The following ARHGAP44 variants were observed in gnomAD, a reference collection of about 807,000 sequenced individuals.
The protein encoded by ARHGAP44 is Rho GTPase activating protein 44.
In ARHGAP44, 43 loss-of-function variants were observed where a neutral mutation model predicts 106.8. That is an observed-to-expected ratio of 0.40 (90% confidence interval 0.32 to 0.52). The LOEUF is 0.52. Ranked by LOEUF, ARHGAP44 falls within the 20% of genes least tolerant of loss-of-function variation. ARHGAP44 has a pLI of 0.48. For synonymous variants in ARHGAP44, 439 were observed against 410.3 expected, an observed-to-expected ratio of 1.07 and a Z score of -0.85; for missense variants, 866 against 1,050.5, an observed-to-expected ratio of 0.82 and a Z score of 2.43.
At chr17:12,835,084 T>C (rs1198818132) in intron 1 of ARHGAP44, among the ~76,000 whole-genome samples, 1 of 152,120 alleles carries the variant, frequency 6.6e-6, no homozygotes, top group East Asian at 1.9e-4. Context: ...GAAATAGAGA[T>C]TGTGTGTGAT....
At chr17:12,891,394 G>A (rs150871468) in intron 1 of ARHGAP44, among the ~76,000 whole-genome samples, 220 of 152,314 alleles carry the variant, frequency 1.4e-3, no homozygotes, top group East Asian at 8.3e-3. Flanking sequence ...AGGAGCTAGC[G>A]TCTGGCAAGG....
intron 1 of ARHGAP44, among the ~76,000 whole-genome samples, chr17:12,863,618 C>A (rs1267347023): frequency 6.6e-6 from 1 of 152,092 alleles, no homozygotes; most frequent in Non-Finnish European, 1.5e-5. Context: ...AATTCTTGAG[C>A]AATATGAAAA....
At chr17:12,845,209 C>CT (rs959438008) in intron 1 of ARHGAP44, among the ~76,000 whole-genome samples, 3 of 131,016 alleles carry the variant, frequency 2.3e-5, no homozygotes, top group African/African-American at 1.2e-4. Flanking sequence ...TGTTCATTTA[C>CT]TTTAAAAAAA....
intron 6 of ARHGAP44, among the ~76,000 whole-genome samples, chr17:12,923,848 G>C (rs2038158668): frequency 6.6e-6 from 1 of 152,138 alleles, no homozygotes. Context: ...TGCATCCCAA[G>C]ATATAGCAGT....
intron 7 of ARHGAP44, among the ~76,000 whole-genome samples, chr17:12,932,412 A>G (rs780265757): frequency 6.6e-6 from 1 of 152,178 alleles, no homozygotes; most frequent in African/African-American, 2.4e-5. Context: ...AAAATTATCT[A>G]TGTATCAGCA....
intron 1 of ARHGAP44, among the ~76,000 whole-genome samples, chr17:12,805,683 T>C (rs1469988713): frequency 1.3e-5 from 2 of 152,202 alleles, no homozygotes; most frequent in African/African-American, 2.4e-5. Context: ...TAAACAGATA[T>C]TTACCGACCA....
intron 7 of ARHGAP44, among the ~76,000 whole-genome samples, chr17:12,938,794 T>C (rs116324814): frequency 2.2e-3 from 342 of 152,330 alleles, no homozygotes; most frequent in African/African-American, 8.0e-3. Flanking sequence ...ATTTATAGTT[T>C]CCTTACTTGA....
At chr17:12,878,948 A>G (rs537115750) in intron 1 of ARHGAP44, among the ~76,000 whole-genome samples, 6 of 152,320 alleles carry the variant, frequency 3.9e-5, no homozygotes, top group African/African-American at 9.6e-5. Flanking sequence ...TTTATCAGCT[A>G]TGTAGCTGCA....
chr17:12,984,796 A>G lies in ARHGAP44; in HGVS notation c.2205A>G (p.Arg735=), dbSNP rs1273241470. 4 of 1,613,746 alleles carry G rather than the reference A, an allele frequency of 2.5e-6. No homozygotes were observed. The highest frequency in any genetic ancestry group is 3.4e-6 in the Non-Finnish European group (4 of 1,179,840). The change falls in exon 20 of 21, where the codon AGA becomes AGG. Residue 735 remains arginine (R), a synonymous_variant. Coordinates refer to ENST00000379672, the MANE Select transcript of ARHGAP44 (RefSeq NM_014859.6). ...KSRPTPKPRQ[R]PTLPPPQPPT... ...GGCCCACTCCTAAGCCGCGACAGAGACCTACTCTGCCGCCTCCTCAGCCTC... is the reference window on the plus strand; with the variant it reads ...GGCCCACTCCTAAGCCGCGACAGAGGCCTACTCTGCCGCCTCCTCAGCCTC...
chr17:12,824,011 C>A (rs1174888420), intron 1 of ARHGAP44, among the ~76,000 whole-genome samples: 1 of 152,030 alleles, frequency 6.6e-6, no homozygotes, highest in African/African-American at 2.4e-5. Flanking sequence ...TCTTGAACTG[C>A]CTTTGTCTTC....
At chr17:12,965,276 T>C (rs12450034) in intron 16 of ARHGAP44, among the ~76,000 whole-genome samples, 23,375 of 152,164 alleles carry the variant, frequency 0.15, 2,179 homozygotes, top group East Asian at 0.48. Context: ...GCACCTACTG[T>C]CATTACACTT....
intron 1 of ARHGAP44, among the ~76,000 whole-genome samples, chr17:12,798,290 C>T (rs1183336462): frequency 1.3e-5 from 2 of 152,048 alleles, no homozygotes; most frequent in Non-Finnish European, 2.9e-5. Flanking sequence ...AATTAAAATG[C>T]ATGATGATTG....
At chr17:12,974,011 G>C in intron 17 of ARHGAP44, 78 bp from the exon 18 acceptor site, 2 of 1,436,722 alleles carry the variant, frequency 1.4e-6, no homozygotes, top group Non-Finnish European at 1.9e-6. Context: ...ACGCGGACCT[G>C]CTTGAATGTG....
At chr17:12,881,623 A>G (rs1475521820) in intron 1 of ARHGAP44, among the ~76,000 whole-genome samples, 1 of 152,114 alleles carries the variant, frequency 6.6e-6, no homozygotes, top group African/African-American at 2.4e-5. Context: ...AACTTATTCT[A>G]CTTAAGGATA....
intron 1 of ARHGAP44, among the ~76,000 whole-genome samples, chr17:12,802,849 C>G (rs2034137627): frequency 7.2e-6 from 1 of 138,344 alleles, no homozygotes; most frequent in South Asian, 2.4e-4. Context: ...ACCTCCGCCT[C>G]CCGGGTTCAA....
intron 17 of ARHGAP44, 40 bp downstream of exon 17, chr17:12,973,359 T>TTG (rs1167650624): frequency 6.3e-7 from 1 of 1,593,586 alleles, no homozygotes; most frequent in Non-Finnish European, 8.6e-7. Flanking sequence ...ATGCTCAGTC[T>TTG]CTTCAACTGA....
intron 19 of ARHGAP44, 119 bp downstream of exon 19, chr17:12,980,352 T>G: frequency 9.2e-7 from 1 of 1,090,114 alleles, no homozygotes; most frequent in Non-Finnish European, 1.3e-6. Context: ...AGTGACTAAT[T>G]CCCATCTGGA....
intron 3 of ARHGAP44, among the ~76,000 whole-genome samples, chr17:12,903,123 AGAG>A (rs2037434306): frequency 5.5e-3 from 461 of 84,396 alleles, no homozygotes; most frequent in East Asian, 0.013. Context: ...AGAGAGAGAG[AGAG>A]GAGAGAGAGA....
chr17:12,863,082 G>C (rs1047895495), intron 1 of ARHGAP44, among the ~76,000 whole-genome samples: 3 of 151,994 alleles, frequency 2.0e-5, no homozygotes, highest in African/African-American at 7.2e-5. Context: ...GGGCCCAGGA[G>C]TTTGAGACCA....
Sources: gnomAD v4.1 joint callset for allele counts (sites outside exome capture counted in the v4.1 genomes callset) on GRCh38, gnomAD v4.1.1 for gene constraint, MANE v1.5 for transcripts, NCBI Gene and HGNC (gene_info 2026-07-23, HGNC 2026-07-21) for gene names.